Variants in TPPP3 observed in about 807,000 individuals in gnomAD.
The protein encoded by TPPP3 is tubulin polymerization promoting protein family member 3.
A neutral mutation model predicts 13.1 loss-of-function variants in TPPP3; 7 were observed. The ratio of observed to expected loss-of-function variants is 0.54; its 90% CI spans 0.30 to 1.01. TPPP3 has a LOEUF of 1.01. TPPP3 is among the 50% of genes least tolerant of loss of function. The pLI is 0.06. For missense variants in TPPP3, 185 were observed against 235.0 expected, an observed-to-expected ratio of 0.79 and a Z score of 1.39; for synonymous variants, 87 against 93.7, an observed-to-expected ratio of 0.93 and a Z score of 0.41.
At position 67,390,277 on chromosome 16, in the gene TPPP3, C is replaced by G. The variant is rs1200979762; in HGVS notation, c.428G>C (p.Gly143Ala). ...CCGTCCCGCAATGCCCTTGCCCTTG[C>G]CGCTCTCATCGAAGCGCTCCTTGTG... ...GSHKERFDESGKGKGIAGRQD... is the reference protein window; with the variant it reads ...GSHKERFDESAKGKGIAGRQD... The change falls in exon 4 of 4, where the codon GGC (glycine) becomes GCC (alanine). Residue 143 changes from glycine to alanine, a missense_variant. Gly to Ala is a moderately conservative substitution (Grantham distance 60). Transcript: ENST00000393957. This position sits in a 1 kb window ranked among gnomAD's most constrained non-coding sequence, Gnocchi z 6.4. 1 of 1,614,234 alleles carries G rather than the reference C, an allele frequency of 6.2e-7. No individual in the cohort carries two copies. The highest frequency in any genetic ancestry group is 8.5e-7 in the Non-Finnish European group (1 of 1,180,040).
In TPPP3 at chr16:67,389,998, G is replaced by A. The variant is rs1335398724; in HGVS notation, c.*176C>T. 50 of 636,508 alleles carry A rather than the reference G, an allele frequency of 7.9e-5. No individual in the cohort carries two copies. The highest frequency in any genetic ancestry group is 6.9e-4 in the South Asian group (34 of 49,006). The allele number at this position is 636,508 out of a possible 1,614,324, so 39.4% of individuals were successfully genotyped here. A position where few individuals can be genotyped will look rare whatever the true frequency, so the allele number is the denominator to read the frequency against. On this transcript the variant is annotated 3_prime_UTR_variant, in exon 4 of 4. Coordinates refer to ENST00000393957, the MANE Select transcript of TPPP3 (RefSeq NM_015964.4). ...GCAGGAAGAGGAGGAGGAAGGGGCC[G>A]CAGAGCAGCCTGGGTCAGAGGCCTG...
chr16:67,390,271 C>A lies in TPPP3; in HGVS notation c.434G>T (p.Gly145Val). 6.2e-7 allele frequency: 1 copy of A among 1,614,246 alleles called. No homozygotes were observed. Among genetic ancestry groups the A allele is most frequent in the East Asian group, 2.2e-5 (1 of 44,884 alleles). ...GTCCTGCCGTCCCGCAATGCCCTTG[C>A]CCTTGCCGCTCTCATCGAAGCGCTC... is the stretch of plus-strand genomic sequence containing the variant. ...HKERFDESGK[G>V]KGIAGRQDIL... Residue 145 changes from glycine (G) to valine (V), a missense_variant, in exon 4 of 4, where the codon GGC (glycine) becomes GTC (valine). Gly to Val is a moderately radical substitution (Grantham distance 109). Transcript: ENST00000393957. The surrounding 1 kb of genome is among the most constrained non-coding windows in gnomAD (Gnocchi z 6.4).
Position 67,393,130 on chromosome 16 carries a change from T to G in TPPP3, c.-7+250A>C, listed in dbSNP as rs1184900952. 1 of 755,844 alleles carries G rather than the reference T, an allele frequency of 1.3e-6. No homozygotes were observed. Among genetic ancestry groups the G allele is most frequent in the Non-Finnish European group, 1.6e-6 (1 of 620,148 alleles). 46.8% of individuals were successfully genotyped at this position (755,844 alleles called of 1,614,324 possible). ...GCCCCATGGGTCTGCAGGCCATGGATGGAGTGGCCACACCCGTGAACTGGA... is the reference window on the plus strand; with the variant it reads ...GCCCCATGGGTCTGCAGGCCATGGAGGGAGTGGCCACACCCGTGAACTGGA... On this transcript the variant is annotated intron_variant, in intron 1 of 3. Coordinates refer to ENST00000393957, the MANE Select transcript of TPPP3 (RefSeq NM_015964.4). The surrounding 1 kb of genome is among the most constrained non-coding windows in gnomAD (Gnocchi z 5.4).
chr16:67,391,354 G>C lies in TPPP3; in HGVS notation c.-6-237C>G, dbSNP rs1364058641. The C allele has an allele frequency of 1.8e-6, 1 of 556,938 alleles. No homozygotes were observed. Among genetic ancestry groups the C allele is most frequent in the East Asian group, 3.0e-5 (1 of 33,608 alleles). The allele number at this position is 556,938 out of a possible 1,614,324, so 34.5% of individuals were successfully genotyped here. A position where few individuals can be genotyped will look rare whatever the true frequency, so the allele number is the denominator to read the frequency against. ...AATGCCAGCCCTGGCTCTCAGCAGGGTTCAGCAGATGAAATAATGATGCCC... is the reference window on the plus strand; with the variant it reads ...AATGCCAGCCCTGGCTCTCAGCAGGCTTCAGCAGATGAAATAATGATGCCC... On this transcript the variant is annotated intron_variant, in intron 1 of 3. Coordinates refer to ENST00000393957, the MANE Select transcript of TPPP3 (RefSeq NM_015964.4). The surrounding 1 kb of genome is among the most constrained non-coding windows in gnomAD (Gnocchi z 6.3).
Position 67,391,201 on chromosome 16 carries a change from AC to A in TPPP3, c.-6-85del. ...CAGAACATCCCAGCCTCTACCTCAA[AC>A]CTGCAAGACCTGGGCAGGTTCTGCT... On this transcript the variant is annotated intron_variant, in intron 1 of 3. Transcript: ENST00000393957. This position sits in a 1 kb window ranked among gnomAD's most constrained non-coding sequence, Gnocchi z 6.3. 2 of 1,341,756 alleles carry A rather than the reference AC, an allele frequency of 1.5e-6. No individual in the cohort carries two copies. Among genetic ancestry groups the A allele is most frequent in the Non-Finnish European group, 2.1e-6 (2 of 970,518 alleles). 83.1% of individuals were successfully genotyped at this position (1,341,756 alleles called of 1,614,324 possible).
Position 67,392,823 on chromosome 16 carries a change from G to T in TPPP3, c.-7+557C>A. The stretch of plus-strand genomic sequence containing the variant: ...GTGACCACACTCCCATCCCTAAGTG[G>T]CAGTTTCTGGGACTGTGAGCACCGG... On this transcript the variant is annotated intron_variant, in intron 1 of 3. Coordinates refer to ENST00000393957, the MANE Select transcript of TPPP3 (RefSeq NM_015964.4). The surrounding 1 kb of genome is among the most constrained non-coding windows in gnomAD (Gnocchi z 4.9). 1 of 313,214 alleles carries T rather than the reference G, an allele frequency of 3.2e-6. No homozygotes were observed. The highest frequency in any genetic ancestry group is 4.6e-6 in the Non-Finnish European group (1 of 215,194). 19.4% of individuals were successfully genotyped at this position (313,214 alleles called of 1,614,324 possible).
chr16:67,390,261 A>G lies in TPPP3; in HGVS notation c.444T>C (p.Ile148=). ...CGTCCAGGATGTCCTGCCGTCCCGC[A>G]ATGCCCTTGCCCTTGCCGCTCTCAT... ...RFDESGKGKG[I]AGRQDILDDS... The change falls in exon 4 of 4, where the codon ATT becomes ATC. Residue 148 remains isoleucine (I), a synonymous_variant. Coordinates refer to ENST00000393957, the MANE Select transcript of TPPP3 (RefSeq NM_015964.4). The surrounding 1 kb of genome is among the most constrained non-coding windows in gnomAD (Gnocchi z 6.4). The G allele has an allele frequency of 6.2e-7, 1 of 1,614,146 alleles. No homozygotes were observed. The highest frequency in any genetic ancestry group is 1.1e-5 in the South Asian group (1 of 91,078).
At position 67,390,181 on chromosome 16, in the gene TPPP3, T is replaced by C; in HGVS notation, c.524A>G (p.Lys175Arg). The C allele has an allele frequency of 6.2e-7, 1 of 1,614,038 alleles. No individual in the cohort carries two copies. The highest frequency in any genetic ancestry group is 8.5e-7 in the Non-Finnish European group (1 of 1,179,910). ...GGGCGGTCTTCCCAAGCCTCACTTC[T>C]TCACCTTGGCATCGTAGGTGCCTGC... ...KNAGTYDAKV[K>R]K Residue 175 changes from lysine to arginine, a missense_variant, in exon 4 of 4, where the codon AAG (lysine) becomes AGG (arginine). By Grantham distance (26) the Lys-to-Arg change is conservative. Coordinates refer to ENST00000393957, the MANE Select transcript of TPPP3 (RefSeq NM_015964.4). The surrounding 1 kb of genome is among the most constrained non-coding windows in gnomAD (Gnocchi z 6.4).
rs150507390 is a variant in TPPP3 at position 67,390,442 on chromosome 16, C to G, written c.342+37G>C. ...ACCCACAGCCACGATTCCCCACACC[C>G]CATTCCGTGGCCACCCGAGACCAGC... is the stretch of plus-strand genomic sequence containing the variant. On this transcript the variant is annotated intron_variant, in intron 3 of 3. Transcript: ENST00000393957. This position sits in a 1 kb window ranked among gnomAD's most constrained non-coding sequence, Gnocchi z 6.4. 801 of 1,610,916 alleles carry G rather than the reference C, an allele frequency of 5.0e-4. 7 individuals carry two copies. The African/African-American group carries it at 9.7e-3, about 20-fold the overall frequency.
chr16:67,391,004 G>C lies in TPPP3; in HGVS notation c.108C>G (p.Ala36=), dbSNP rs754549484. ...SGQEMNGKNW[A]KLCKDCKVAD... is the part of the protein sequence containing the mutation. ...CCACCTTGCAGTCCTTGCACAGCTT[G>C]GCCCAGTTCTTGCCATTCATCTCTT... is the stretch of plus-strand genomic sequence containing the variant. Residue 36 remains alanine, a synonymous_variant, in exon 2 of 4, where the codon GCC becomes GCG. Coordinates refer to ENST00000393957, the MANE Select transcript of TPPP3 (RefSeq NM_015964.4). The surrounding 1 kb of genome is among the most constrained non-coding windows in gnomAD (Gnocchi z 6.3). The C allele has an allele frequency of 1.2e-5, 20 of 1,614,096 alleles. No individual in the cohort carries two copies. The highest frequency in any genetic ancestry group is 1.6e-5 in the Non-Finnish European group (19 of 1,180,048).
In TPPP3 at chr16:67,391,055, G is replaced by A. The variant is rs2040322080; in HGVS notation, c.57C>T (p.Ile19=). The change falls in exon 2 of 4, where the codon ATC becomes ATT. Residue 19 remains isoleucine, a synonymous_variant. Coordinates refer to ENST00000393957, the MANE Select transcript of TPPP3 (RefSeq NM_015964.4). The surrounding 1 kb of genome is among the most constrained non-coding windows in gnomAD (Gnocchi z 6.3). ...GLEESFRKFA[I]HGDPKASGQE... is the part of the protein sequence containing the mutation. The stretch of plus-strand genomic sequence containing the variant: ...GCCCACTGGCCTTGGGGTCACCATG[G>A]ATGGCAAACTTGCGGAAGCTCTCCT... The A allele has an allele frequency of 6.2e-7, 1 of 1,614,100 alleles. No individual in the cohort carries two copies. The highest frequency in any genetic ancestry group is 1.1e-5 in the South Asian group (1 of 91,092).
chr16:67,393,424 G>A lies in TPPP3; in HGVS notation c.-51C>T. 1 of 985,594 alleles carries A rather than the reference G, an allele frequency of 1.0e-6. No individual in the cohort carries two copies. Among genetic ancestry groups the A allele is most frequent in the Non-Finnish European group, 1.2e-6 (1 of 830,032 alleles). The allele number at this position is 985,594 out of a possible 1,614,324, so 61.1% of individuals were successfully genotyped here. On this transcript the variant is annotated 5_prime_UTR_variant, in exon 1 of 4. Coordinates refer to ENST00000393957, the MANE Select transcript of TPPP3 (RefSeq NM_015964.4). This position sits in a 1 kb window ranked among gnomAD's most constrained non-coding sequence, Gnocchi z 5.4. ...TGTGCGTTCGGAAGGACAGAACGAC[G>A]CAGGAATGGACCGATGGACGCGGGA...
Position 67,393,236 on chromosome 16 carries a change from T to C in TPPP3, c.-7+144A>G. The C allele has an allele frequency of 3.8e-6, 3 of 799,164 alleles. No homozygotes were observed. The highest frequency in any genetic ancestry group is 4.5e-6 in the Non-Finnish European group (3 of 659,948). The allele number at this position is 799,164 out of a possible 1,614,324, so 49.5% of individuals were successfully genotyped here. On this transcript the variant is annotated intron_variant, in intron 1 of 3. Transcript: ENST00000393957. This position sits in a 1 kb window ranked among gnomAD's most constrained non-coding sequence, Gnocchi z 5.4. Reference sequence around the variant, plus strand: ...AGGTGGGGGCTGCGAGGTGGAATGCTTGGGGCCAGGGCAGGGCCGCTCAGC... The same window carrying C: ...AGGTGGGGGCTGCGAGGTGGAATGCCTGGGGCCAGGGCAGGGCCGCTCAGC...
Position 67,391,190 on chromosome 16 carries a change from C to T in TPPP3, c.-6-73G>A. ...TCCCCCAAGCCCAGAACATCCCAGC[C>T]TCTACCTCAAACCTGCAAGACCTGG... is the stretch of plus-strand genomic sequence containing the variant. On this transcript the variant is annotated intron_variant, in intron 1 of 3. Transcript: ENST00000393957. This position sits in a 1 kb window ranked among gnomAD's most constrained non-coding sequence, Gnocchi z 6.3. The T allele has an allele frequency of 3.4e-6, 5 of 1,483,418 alleles. No homozygotes were observed. The highest frequency in any genetic ancestry group is 4.6e-6 in the Non-Finnish European group (5 of 1,084,158). 91.9% of individuals were successfully genotyped at this position (1,483,418 alleles called of 1,614,324 possible). A position where few individuals can be genotyped will look rare whatever the true frequency, so the allele number is the denominator to read the frequency against.
rs767048998 is a variant in TPPP3 at position 67,392,697 on chromosome 16, C to T, written c.-7+683G>A. ...CACCTCCTGACCACACCCTCGGTCT[C>T]AGCAACCATCTTCTAGCTCTGCCTT... On this transcript the variant is annotated intron_variant, in intron 1 of 3. Coordinates refer to ENST00000393957, the MANE Select transcript of TPPP3 (RefSeq NM_015964.4). The surrounding 1 kb of genome is among the most constrained non-coding windows in gnomAD (Gnocchi z 4.9). Among the ~76,000 whole-genome samples, 6 of 152,330 alleles carry T rather than the reference C, an allele frequency of 3.9e-5. No individual in the cohort carries two copies. The highest frequency in any genetic ancestry group is 8.8e-5 in the Non-Finnish European group (6 of 68,020).
In TPPP3 at chr16:67,390,888, T is replaced by C. The variant is rs939534427; in HGVS notation, c.188+36A>G. 2 of 1,598,604 alleles carry C rather than the reference T, an allele frequency of 1.3e-6. No individual in the cohort carries two copies. The highest frequency in any genetic ancestry group is 2.7e-5 in the African/African-American group (2 of 74,694). ...TCCAGCCCCCCAGTTCCCCACCTCC[T>C]GGGAACATGAGAAGCAGGGGCTGCT... On this transcript the variant is annotated intron_variant, in intron 2 of 3. Transcript: ENST00000393957. This position sits in a 1 kb window ranked among gnomAD's most constrained non-coding sequence, Gnocchi z 6.4.
Position 67,393,203 on chromosome 16 carries a change from G to A in TPPP3, c.-7+177C>T, listed in dbSNP as rs2040350840. The stretch of plus-strand genomic sequence containing the variant: ...GGACAGCTGGAGTCATCAATCAGCC[G>A]GACCAGGAGGTGGGGGCTGCGAGGT... On this transcript the variant is annotated intron_variant, in intron 1 of 3. Transcript: ENST00000393957. This position sits in a 1 kb window ranked among gnomAD's most constrained non-coding sequence, Gnocchi z 5.4. 9 of 658,264 alleles carry A rather than the reference G, an allele frequency of 1.4e-5. No homozygotes were observed. Among genetic ancestry groups the A allele is most frequent in the South Asian group, 6.7e-5 (1 of 14,898 alleles). The allele number at this position is 658,264 out of a possible 1,614,324, so 40.8% of individuals were successfully genotyped here. A position where few individuals can be genotyped will look rare whatever the true frequency, so the allele number is the denominator to read the frequency against.
Position 67,393,055 on chromosome 16 carries a change from G to A in TPPP3, c.-7+325C>T. On this transcript the variant is annotated intron_variant, in intron 1 of 3. Transcript: ENST00000393957. This position sits in a 1 kb window ranked among gnomAD's most constrained non-coding sequence, Gnocchi z 5.4. ...GCTCACTCCTGTCCGTGGAAAGATG[G>A]ATTCTTGGTCATCTCAGCGCGGTCA... is the stretch of plus-strand genomic sequence containing the variant. 1.0e-6 allele frequency: 1 copy of A among 984,450 alleles called. No individual in the cohort carries two copies. The highest frequency in any genetic ancestry group is 1.2e-6 in the Non-Finnish European group (1 of 829,018). 61.0% of individuals were successfully genotyped at this position (984,450 alleles called of 1,614,324 possible). A position where few individuals can be genotyped will look rare whatever the true frequency, so the allele number is the denominator to read the frequency against.
Position 67,390,259 on chromosome 16 carries a change from G to A in TPPP3, c.446C>T (p.Ala149Val), listed in dbSNP as rs766679090. The stretch of plus-strand genomic sequence containing the variant: ...GTCGTCCAGGATGTCCTGCCGTCCC[G>A]CAATGCCCTTGCCCTTGCCGCTCTC... The part of the protein sequence containing the change: ...FDESGKGKGI[A>V]GRQDILDDSG... Residue 149 changes from alanine to valine, a missense_variant, in exon 4 of 4, where the codon GCG becomes GTG. Transcript: ENST00000393957. The surrounding 1 kb of genome is among the most constrained non-coding windows in gnomAD (Gnocchi z 6.4). 1.4e-5 allele frequency: 23 copies of A among 1,614,218 alleles called. No individual in the cohort carries two copies. Among genetic ancestry groups the A allele is most frequent in the East Asian group, 4.5e-5 (2 of 44,880 alleles).
Sources: gnomAD v4.1 joint callset for allele counts (sites outside exome capture counted in the v4.1 genomes callset) on GRCh38, gnomAD v4.1.1 for gene constraint, Gnocchi (gnomAD v3.1) non-coding constraint, MANE v1.5 for transcripts, NCBI Gene and HGNC (gene_info 2026-07-23, HGNC 2026-07-21) for gene names.